The following RUNDC3A variants were observed in gnomAD, a reference collection of about 807,000 sequenced individuals.
RUNDC3A encodes RUN domain containing 3A.
RUNDC3A carries 28 observed loss-of-function variants against 53.9 expected under a neutral mutation model. The observed-to-expected ratio is 0.52, with a 90% confidence interval of 0.38 to 0.71. RUNDC3A has a LOEUF of 0.71. RUNDC3A is among the 30% of genes least tolerant of loss of function. RUNDC3A has a pLI of 0.00. For missense variants in RUNDC3A, 491 were observed against 597.3 expected, an observed-to-expected ratio of 0.82 and a Z score of 1.85; for synonymous variants, 232 against 249.4, an observed-to-expected ratio of 0.93 and a Z score of 0.66.
chr17:44,313,381 C>A (rs372871478), intron 3 of RUNDC3A, 37 bp from the exon 4 acceptor site: 1 of 1,613,506 alleles, frequency 6.2e-7, no homozygotes, highest in Non-Finnish European at 8.5e-7. Context: ...ACATGAGTCC[C>A]TCTGGGGCAG....
chr17:44,317,144 CCT>C (rs1243950542), intron 10 of RUNDC3A: 2 of 459,054 alleles, frequency 4.4e-6, no homozygotes, highest in Non-Finnish European at 7.9e-6. Flanking sequence ...CTGTGCCCGG[CCT>C]CTCTCAGCCT....
intron 10 of RUNDC3A, 29 bp from the exon 11 acceptor site, chr17:44,318,067 G>A (rs746901292): frequency 1.6e-5 from 24 of 1,546,878 alleles, no homozygotes; most frequent in South Asian, 9.5e-5. Flanking sequence ...TAGACTGGTC[G>A]CTTGGCCTCA....
intron 1 of RUNDC3A, chr17:44,310,856 G>A: frequency 1.0e-6 from 1 of 985,466 alleles, no homozygotes. Flanking sequence ...GCAGGAGGGT[G>A]CGCATAGTGA....
rs769098991 is a variant in RUNDC3A, at chr17:44,315,144, C to G, written c.630-11C>G. 6.3e-7 allele frequency: 1 copy of G among 1,581,584 alleles called. No individual in the cohort carries two copies. Among genetic ancestry groups the G allele is most frequent in the South Asian group, 1.1e-5 (1 of 88,438 alleles). On this transcript the variant is annotated splice_polypyrimidine_tract_variant and intron_variant, in intron 6 of 10. Transcript: ENST00000426726. The surrounding 1 kb of genome is among the most constrained non-coding windows in gnomAD (Gnocchi z 6.1). ...GCGGGACCGGCCGTGCCCACTGCTC[C>G]CTCTCCCAAGCTACGACTACCTGAC...
intron 5 of RUNDC3A, 33 bp downstream of exon 5, chr17:44,314,857 G>C (rs369463851): frequency 1.9e-6 from 3 of 1,613,864 alleles, no homozygotes; most frequent in Non-Finnish European, 2.5e-6. Context: ...GGTGGAGGGG[G>C]CTGTTTCCCC....
In RUNDC3A at chr17:44,316,477, C is replaced by A. The variant is rs2047864084; in HGVS notation, c.1046C>A (p.Thr349Lys). The A allele has an allele frequency of 1.2e-6, 2 of 1,613,502 alleles. No individual in the cohort carries two copies. The highest frequency in any genetic ancestry group is 2.2e-5 in the East Asian group (1 of 44,876). ...GTCAATCAATGGCCCTCACTGGGAA[C>A]GCTTAATGGGGCCGAGGGCGCCAGC... ...PLVNQWPSLG[T>K]LNGAEGASNS... The change falls in exon 9 of 11, where the codon ACG (threonine) becomes AAG (lysine). Residue 349 changes from threonine (T) to lysine (K), a missense_variant. By Grantham distance (78) the Thr-to-Lys change is moderately conservative. Coordinates refer to ENST00000426726, the MANE Select transcript of RUNDC3A (RefSeq NM_001144825.2).
At chr17:44,312,088 C>T (rs2047758663) in intron 1 of RUNDC3A, among the ~76,000 whole-genome samples, 1 of 152,184 alleles carries the variant, frequency 6.6e-6, no homozygotes, top group Non-Finnish European at 1.5e-5. Context: ...TGCCCTGGTA[C>T]AGGTGACCCC....
chr17:44,317,620 CTT>C lies in RUNDC3A; in HGVS notation c.1199-473_1199-472del, dbSNP rs2047894410. The C allele has an allele frequency of 1.3e-5, 10 of 753,968 alleles. 1 individual carries two copies. The East Asian group carries it at 2.0e-4, about 15-fold the overall frequency. The allele number at this position is 753,968 out of a possible 1,614,324, so 46.7% of individuals were successfully genotyped here. A position where few individuals can be genotyped will look rare whatever the true frequency, so the allele number is the denominator to read the frequency against. On this transcript the variant is annotated intron_variant, in intron 10 of 10. Transcript: ENST00000426726. ...TTCTCCCTATGCCTGAATATCCTGTCTTTTCTTTTTTATAAGCAACCACACTG... is the reference window on the plus strand; with the variant it reads ...TTCTCCCTATGCCTGAATATCCTGTCTTCTTTTTTATAAGCAACCACACTG...
At chr17:44,312,537 C>A in intron 1 of RUNDC3A, 43 bp from the exon 2 acceptor site, 2 of 1,155,746 alleles carry the variant, frequency 1.7e-6, no homozygotes, top group African/African-American at 1.5e-5. Context: ...CCTGTTTCCT[C>A]ACCTGACACC....
At position 44,312,435 on chromosome 17, in the gene RUNDC3A, G is replaced by C. The variant is rs1024155622; in HGVS notation, c.108-145G>C. On this transcript the variant is annotated intron_variant, in intron 1 of 10. Coordinates refer to ENST00000426726, the MANE Select transcript of RUNDC3A (RefSeq NM_001144825.2). The stretch of plus-strand genomic sequence containing the variant: ...GTACCTCTATGGTCACTGTAGTCTT[G>C]CCTGTCTCCCCACTCGCTCTGCCCC... 1.8e-5 allele frequency: 11 copies of C among 614,572 alleles called. No individual in the cohort carries two copies. In the African/African-American group the frequency reaches 1.9e-4, roughly 10 times the overall value. 38.1% of individuals were successfully genotyped at this position (614,572 alleles called of 1,614,324 possible). A position where few individuals can be genotyped will look rare whatever the true frequency, so the allele number is the denominator to read the frequency against.
rs749680237 is a variant in RUNDC3A, at chr17:44,315,417, C to A, written c.796-35C>A. 3 of 1,374,262 alleles carry A rather than the reference C, an allele frequency of 2.2e-6. No individual in the cohort carries two copies. The South Asian group carries it at 5.4e-5, about 25-fold the overall frequency. 85.1% of individuals were successfully genotyped at this position (1,374,262 alleles called of 1,614,324 possible). A position where few individuals can be genotyped will look rare whatever the true frequency, so the allele number is the denominator to read the frequency against. ...GGATGGGGGCCGCGGCCGGGACGTCCTCCCAGCCGCCCGGGCTGAGCCGGC... is the reference window on the plus strand; with the variant it reads ...GGATGGGGGCCGCGGCCGGGACGTCATCCCAGCCGCCCGGGCTGAGCCGGC... On this transcript the variant is annotated intron_variant, in intron 7 of 10. Transcript: ENST00000426726. This position sits in a 1 kb window ranked among gnomAD's most constrained non-coding sequence, Gnocchi z 6.1.
At chr17:44,312,501 G>A in intron 1 of RUNDC3A, 79 bp from the exon 2 acceptor site, 2 of 774,796 alleles carry the variant, frequency 2.6e-6, no homozygotes, top group Non-Finnish European at 4.3e-6. Context: ...TTCTCTGCCG[G>A]TTGCTCCCTG....
chr17:44,318,358 G>A lies in RUNDC3A; in HGVS notation c.*120G>A, dbSNP rs543298694. 2.1e-3 allele frequency: 2,397 copies of A among 1,129,014 alleles called. 6 individuals carry two copies. Among genetic ancestry groups the A allele is most frequent in the Middle Eastern group, 2.6e-3 (9 of 3,404 alleles). The allele number at this position is 1,129,014 out of a possible 1,614,324, so 69.9% of individuals were successfully genotyped here. A position where few individuals can be genotyped will look rare whatever the true frequency, so the allele number is the denominator to read the frequency against. On this transcript the variant is annotated 3_prime_UTR_variant, in exon 11 of 11. Coordinates refer to ENST00000426726, the MANE Select transcript of RUNDC3A (RefSeq NM_001144825.2). ...CAGAGAACGCTACCCACCCAGCCAG[G>A]GTTCTCTCGGGGAAGATCTCGTCTG...
chr17:44,308,743 A>G lies in RUNDC3A; in HGVS notation c.-90A>G. 1 of 805,284 alleles carries G rather than the reference A, an allele frequency of 1.2e-6. No homozygotes were observed. The highest frequency in any genetic ancestry group is 1.9e-6 in the Non-Finnish European group (1 of 538,772). 49.9% of individuals were successfully genotyped at this position (805,284 alleles called of 1,614,324 possible). Reference sequence around the variant, plus strand: ...GAAGGGTTGAGGGGCCCCGTCGGACAGAGGGCCCAGCCGTGATCCAGCGAC... The same window carrying G: ...GAAGGGTTGAGGGGCCCCGTCGGACGGAGGGCCCAGCCGTGATCCAGCGAC... On this transcript the variant is annotated 5_prime_UTR_variant, in exon 1 of 11. Transcript: ENST00000426726.
At chr17:44,317,887 T>A in intron 10 of RUNDC3A, 1 of 596,074 alleles carries the variant, frequency 1.7e-6, no homozygotes, top group Non-Finnish European at 3.0e-6. Context: ...GACAGAGACA[T>A]CAACTGACGA....
At chr17:44,314,679 G>GC (rs1414203483) in intron 4 of RUNDC3A, 56 bp from the exon 5 acceptor site, 39 of 1,308,510 alleles carry the variant, frequency 3.0e-5, no homozygotes, top group South Asian at 2.0e-4. Flanking sequence ...AGCTCTGGGG[G>GC]GGGGGGGGGC....
Position 44,316,709 on chromosome 17 carries a change from G to C in RUNDC3A, c.1182G>C (p.Glu394Asp). The part of the protein sequence containing the change: ...QRLGEGTRDE[E>D]PWGPIGKDPT... ...TGGGAGAGGGCACGCGGGACGAGGA[G>C]CCCTGGGGTCCCATCGGTGAGCTCC... The change falls in exon 10 of 11, where the codon GAG becomes GAC. Residue 394 changes from glutamate to aspartate, a missense_variant. By Grantham distance (45) the Glu-to-Asp change is conservative. Coordinates refer to ENST00000426726, the MANE Select transcript of RUNDC3A (RefSeq NM_001144825.2). 6.5e-7 allele frequency: 1 copy of C among 1,548,972 alleles called. No homozygotes were observed. Among genetic ancestry groups the C allele is most frequent in the Non-Finnish European group, 8.7e-7 (1 of 1,146,696 alleles).
chr17:44,311,221 C>T (rs1023122601), intron 1 of RUNDC3A: 99 of 985,498 alleles, frequency 1.0e-4, no homozygotes, highest in Non-Finnish European at 1.2e-4. Context: ...TGCAATTGGC[C>T]TGAGAGCCTC....
chr17:44,317,538 C>T (rs549825628), intron 10 of RUNDC3A: 28 of 780,900 alleles, frequency 3.6e-5, no homozygotes, highest in East Asian at 1.7e-4. Flanking sequence ...AGGACTTCAA[C>T]GCATGCACTT....
Sources: gnomAD v4.1 joint callset for allele counts (sites outside exome capture counted in the v4.1 genomes callset) on GRCh38, gnomAD v4.1.1 for gene constraint, Gnocchi (gnomAD v3.1) non-coding constraint, MANE v1.5 for transcripts, NCBI Gene and HGNC (gene_info 2026-07-23, HGNC 2026-07-21) for gene names.